PLB1: variants seen among roughly 807,000 people sequenced by gnomAD.
PLB1 encodes phospholipase B1, membrane-associated.
A neutral mutation model predicts 227.4 loss-of-function variants in PLB1; 242 were observed. That is an observed-to-expected ratio of 1.06 (90% confidence interval 0.96 to 1.18). The LOEUF (loss-of-function observed/expected upper bound fraction) is 1.18. Ranked by LOEUF, PLB1 falls within the 50% of genes most tolerant of loss-of-function variation. The probability of loss-of-function intolerance (pLI) is 0.00; values close to 1 mark genes in which losing one functional copy is unlikely to be tolerated. For synonymous variants in PLB1, 757 were observed against 682.2 expected (o/e 1.11, Z -1.71); for missense variants, 1,858 against 1,816.3 (o/e 1.02, Z -0.42).
At chr2:28,502,765 A>G (rs1300306187) in intron 1 of PLB1, among the ~76,000 whole-genome samples, 1 of 151,480 alleles carries the variant, frequency 6.6e-6, no homozygotes, top group Non-Finnish European at 1.5e-5. Flanking sequence ...GAGTGTTCCT[A>G]TTTTTCTGTT....
chr2:28,642,946 C>T lies in PLB1; in HGVS notation c.4262C>T (p.Pro1421Leu). The change falls in exon 58 of 58, where the codon CCA becomes CTA. Residue 1421 changes from proline (P) to leucine (L), a missense_variant. Coordinates refer to ENST00000327757, the MANE Select transcript of PLB1 (RefSeq NM_153021.5). ...EAPEVLYWAV[P>L]VAAGVGLVVG... ...CCCGAGGTGCTCTACTGGGCTGTCCCAGTGGCAGCGGGAGTCGGCCTTGTG... is the reference window on the plus strand; with the variant it reads ...CCCGAGGTGCTCTACTGGGCTGTCCTAGTGGCAGCGGGAGTCGGCCTTGTG... The T allele has an allele frequency of 6.2e-7, 1 of 1,609,474 alleles. No individual in the cohort carries two copies. Among genetic ancestry groups the T allele is most frequent in the South Asian group, 1.1e-5 (1 of 89,834 alleles).
chr2:28,510,778 T>TTGTGTGTGTGTGTGTG (rs55672002), intron 1 of PLB1, among the ~76,000 whole-genome samples: 5,733 of 141,462 alleles, frequency 0.041, 162 homozygotes, highest in Admixed American at 0.073. Flanking sequence ...ACTCAGATAA[T>TTGTGTGTGTGTGTGTG]TGTGTGTGTG....
chr2:28,629,439 T>G (rs1688290050), intron 53 of PLB1, among the ~76,000 whole-genome samples: 1 of 152,242 alleles, frequency 6.6e-6, no homozygotes, highest in Admixed American at 6.5e-5. Flanking sequence ...TAAGGCTCCC[T>G]GACATTGTCA....
In PLB1 at chr2:28,540,392, C is replaced by T; in HGVS notation, c.725C>T (p.Ser242Leu). ...LSPAPEPCNCSEETTRLAKVV... is the reference protein window; with the variant it reads ...LSPAPEPCNCLEETTRLAKVV... Reference sequence around the variant, plus strand: ...CCTGCACCAGAGCCCTGTAATTGCTCAGAGGAGACCACCCGGCTGGCCAAG... The same window carrying T: ...CCTGCACCAGAGCCCTGTAATTGCTTAGAGGAGACCACCCGGCTGGCCAAG... The change falls in exon 12 of 58, where the codon TCA becomes TTA. Residue 242 changes from serine to leucine, a missense_variant. Ser to Leu is a moderately radical substitution (Grantham distance 145). Coordinates refer to ENST00000327757, the MANE Select transcript of PLB1 (RefSeq NM_153021.5). 6.2e-7 allele frequency: 1 copy of T among 1,614,110 alleles called. No homozygotes were observed. The highest frequency in any genetic ancestry group is 8.5e-7 in the Non-Finnish European group (1 of 1,180,012).
At chr2:28,627,632 A>AT (rs1219877359) in intron 51 of PLB1, among the ~76,000 whole-genome samples, 1 of 152,288 alleles carries the variant, frequency 6.6e-6, no homozygotes, top group African/African-American at 2.4e-5. Context: ...CCCAACTCCC[A>AT]GTACCCCTTC....
rs769466567 is a variant in PLB1, at chr2:28,643,045, G to T, written c.4361G>T (p.Arg1454Leu). 1.2e-6 allele frequency: 2 copies of T among 1,605,822 alleles called. No individual in the cohort carries two copies. Residue 1454 changes from arginine (R) to leucine (L), a missense_variant, in exon 58 of 58, where the codon CGC (arginine) becomes CTC (leucine). Coordinates refer to ENST00000327757, the MANE Select transcript of PLB1 (RefSeq NM_153021.5). The stretch of plus-strand genomic sequence containing the variant: ...AGGGAAGATCCTCCAATGAGCCTGC[G>T]CACTGTGGCCCTCTAGGCCCGGGGG... ...GRREDPPMSLRTVAL is the reference protein window; with the variant it reads ...GRREDPPMSLLTVAL
intron 1 of PLB1, among the ~76,000 whole-genome samples, chr2:28,511,817 C>CTTTTTTTTTT (rs1668300916): frequency 7.8e-6 from 1 of 128,950 alleles, no homozygotes; most frequent in African/African-American, 3.0e-5. Flanking sequence ...TGGAGTTTTG[C>CTTTTTTTTTT]TCTGTTGCTC....
At chr2:28,526,845 A>G (rs931172557) in intron 6 of PLB1, among the ~76,000 whole-genome samples, 1 of 152,192 alleles carries the variant, frequency 6.6e-6, no homozygotes, top group Non-Finnish European at 1.5e-5. Context: ...AAGCACAGGG[A>G]TGAACAGGAT....
chr2:28,565,337 C>G lies in PLB1; in HGVS notation c.1264C>G (p.Arg422Gly), dbSNP rs201910614. Reference protein sequence around the residue: ...GNVLDVLTQYRGLSWSVGGDE... With the variant: ...GNVLDVLTQYGGLSWSVGGDE... ...CGTCTTGGACGTCTTGACTCAGTAC[C>G]GAGGCCTGTCCTGGAGGTGAGTGAG... The change falls in exon 19 of 58, where the codon CGA (arginine) becomes GGA (glycine). Residue 422 changes from arginine (R) to glycine (G), a missense_variant. Coordinates refer to ENST00000327757, the MANE Select transcript of PLB1 (RefSeq NM_153021.5). 1.9e-6 allele frequency: 3 copies of G among 1,609,554 alleles called. No individual in the cohort carries two copies. Among genetic ancestry groups the G allele is most frequent in the Non-Finnish European group, 2.5e-6 (3 of 1,178,260 alleles).
intron 1 of PLB1, among the ~76,000 whole-genome samples, chr2:28,502,567 C>G (rs1667218858): frequency 6.6e-6 from 1 of 152,276 alleles, no homozygotes; most frequent in Middle Eastern, 3.4e-3. Flanking sequence ...ATACCCATTG[C>G]TGGCGTAAAA....
chr2:28,601,904 G>T lies in PLB1; in HGVS notation c.2613G>T (p.Leu871=). 2 of 1,606,310 alleles carry T rather than the reference G, an allele frequency of 1.2e-6. No homozygotes were observed. The highest frequency in any genetic ancestry group is 1.7e-6 in the Non-Finnish European group (2 of 1,173,040). Residue 871 remains leucine, a synonymous_variant, in exon 38 of 58, where the codon CTG becomes CTT. Transcript: ENST00000327757. ...TCCTTCCTGTCTCTTTCTAGAATCTGTATTCTGCAGCCAACTTTGTTCACC... is the reference window on the plus strand; with the variant it reads ...TCCTTCCTGTCTCTTTCTAGAATCTTTATTCTGCAGCCAACTTTGTTCACC... ...DLCDYCTDSN[L]YSAANFVHHL...
intron 33 of PLB1, chr2:28,594,171 T>G (rs537326071): frequency 2.3e-6 from 1 of 436,684 alleles, no homozygotes; most frequent in South Asian, 1.7e-5. Context: ...TTTACATATA[T>G]GTACACATCT....
At chr2:28,581,922 C>T (rs1680082751) in intron 23 of PLB1, 146 bp from the exon 24 acceptor site, 1 of 660,292 alleles carries the variant, frequency 1.5e-6, no homozygotes, top group African/African-American at 1.9e-5. Flanking sequence ...GATCACACCA[C>T]TGCACTCCAG....
In PLB1 at chr2:28,554,489, CTTTTTTTTTTT is replaced by C. The variant is rs536476788; in HGVS notation, c.1147+1517_1147+1527del. Among the ~76,000 whole-genome samples, 183 of 85,476 alleles carry C rather than the reference CTTTTTTTTTTT, an allele frequency of 2.1e-3. 2 individuals are homozygous for C. Among genetic ancestry groups the C allele is most frequent in the Middle Eastern group, 0.016 (2 of 124 alleles). The allele number at this position is 85,476 out of a possible 152,430, so 56.1% of individuals were successfully genotyped here. On this transcript the variant is annotated intron_variant, in intron 17 of 57. Coordinates refer to ENST00000327757, the MANE Select transcript of PLB1 (RefSeq NM_153021.5). The stretch of plus-strand genomic sequence containing the variant: ...CTACAGGCATTATCACCACACCTGC[CTTTTTTTTTTT>C]TTTTTTTTTTTTTTTTTTAAGAGAT...
chr2:28,581,330 A>G (rs1679899870), intron 23 of PLB1, among the ~76,000 whole-genome samples: 1 of 151,868 alleles, frequency 6.6e-6, no homozygotes, highest in South Asian at 2.1e-4. Context: ...CTGAGGCTCC[A>G]AGAAAAAGAG....
At chr2:28,610,016 CAT>C (rs1332322956) in intron 43 of PLB1, among the ~76,000 whole-genome samples, 1 of 152,206 alleles carries the variant, frequency 6.6e-6, no homozygotes, top group Non-Finnish European at 1.5e-5. Context: ...TGCAATCTCT[CAT>C]AGAATAATGG....
At chr2:28,642,605 C>T (rs1247717986) in intron 57 of PLB1, among the ~76,000 whole-genome samples, 1 of 152,180 alleles carries the variant, frequency 6.6e-6, no homozygotes, top group African/African-American at 2.4e-5. Flanking sequence ...CTTTCAAAAT[C>T]AGGTTTGATG....
At position 28,565,294 on chromosome 2, in the gene PLB1, C is replaced by A. The variant is rs199926875; in HGVS notation, c.1221C>A (p.Ala407=). 6.2e-7 allele frequency: 1 copy of A among 1,611,742 alleles called. No individual in the cohort carries two copies. Among genetic ancestry groups the A allele is most frequent in the Non-Finnish European group, 8.5e-7 (1 of 1,179,136 alleles). Residue 407 remains alanine, a synonymous_variant, in exon 19 of 58, where the codon GCC becomes GCA. Transcript: ENST00000327757. ...LGDSLTAGNG[A]GSTPGNVLDV... is the part of the protein sequence containing the mutation. ...TTCCCTCTCAGGCAGGCAATGGGGC[C>A]GGGTCCACACCTGGGAACGTCTTGG... is the stretch of plus-strand genomic sequence containing the variant.
chr2:28,620,607 G>A lies in PLB1; in HGVS notation c.3391G>A (p.Gly1131Arg), dbSNP rs140023055. The change falls in exon 48 of 58, where the codon GGG becomes AGG. Residue 1131 changes from glycine to arginine, a missense_variant. Coordinates refer to ENST00000327757, the MANE Select transcript of PLB1 (RefSeq NM_153021.5). The stretch of plus-strand genomic sequence containing the variant: ...ATGCTTTCTCCTCCCCAGCATTGGA[G>A]GGGATGGGAACTTGGAGACTCACAC... ...SWRGLSWSIG[G>R]DGNLETHTTL... The A allele has an allele frequency of 1.2e-5, 19 of 1,613,758 alleles. No homozygotes were observed. Among genetic ancestry groups the A allele is most frequent in the Non-Finnish European group, 1.6e-5 (19 of 1,179,874 alleles).
Sources: allele counts gnomAD v4.1 joint callset (sites outside exome capture counted in the v4.1 genomes callset), GRCh38; gene constraint gnomAD v4.1.1; transcripts MANE v1.5; gene names NCBI Gene and HGNC (gene_info 2026-07-23, HGNC 2026-07-21).